TNPO2: variants seen among roughly 807,000 people sequenced by gnomAD.
The protein encoded by TNPO2 is transportin 2, also known as transportin-2.
Under a neutral mutation model 111.1 loss-of-function variants are expected in TNPO2, and 16 were observed. The ratio of observed to expected loss-of-function variants is 0.14; its 90% CI spans 0.10 to 0.22. TNPO2 has a LOEUF of 0.22. Ranked by LOEUF, TNPO2 falls within the 10% of genes least tolerant of loss-of-function variation. The pLI is 1.00. For missense variants in TNPO2, 530 were observed against 1,173.7 expected, an observed-to-expected ratio of 0.45 and a Z score of 8.01; for synonymous variants, 481 against 475.8, an observed-to-expected ratio of 1.01 and a Z score of -0.14.
chr19:12,721,316 G>C lies in TNPO2; in HGVS notation c.-13-326C>G, dbSNP rs528193988. The C allele has an allele frequency of 7.8e-6, 10 of 1,284,634 alleles. No homozygotes were observed. The East Asian group carries it at 5.3e-4, about 68-fold the overall frequency. 79.6% of individuals were successfully genotyped at this position (1,284,634 alleles called of 1,614,324 possible). On this transcript the variant is annotated intron_variant, in intron 2 of 25. Transcript: ENST00000425528. This position sits in a 1 kb window ranked among gnomAD's most constrained non-coding sequence, Gnocchi z 4.9. ...TGCCGCTGACCCCGGCTCCGAGCCC[G>C]AAGGCTTCCACCTCCCTCGCAGCGG...
chr19:12,702,368 TCCTTTC>T lies in TNPO2; in HGVS notation c.2306-197_2306-192del. 2.9e-6 allele frequency: 2 copies of T among 693,416 alleles called. No individual in the cohort carries two copies. Among genetic ancestry groups the T allele is most frequent in the Middle Eastern group, 2.3e-4 (1 of 4,318 alleles). 43.0% of individuals were successfully genotyped at this position (693,416 alleles called of 1,614,324 possible). The stretch of plus-strand genomic sequence containing the variant: ...CTCTCTGCATCTATCTTTCTTTCTT[TCCTTTC>T]CCTTTCCTTTTTGTTTTTTTTTGTT... On this transcript the variant is annotated intron_variant, in intron 21 of 25. Transcript: ENST00000425528. This position sits in a 1 kb window ranked among gnomAD's most constrained non-coding sequence, Gnocchi z 5.5.
At chr19:12,709,360 C>CAAAT (rs368877693) in intron 13 of TNPO2, among the ~76,000 whole-genome samples, 7,708 of 152,094 alleles carry the variant, frequency 0.051, 263 homozygotes, top group Non-Finnish European at 0.075. Flanking sequence ...GACTCAGTCT[C>CAAAT]AAATAAATAA....
rs747591784 is a variant in TNPO2 at position 12,706,099 on chromosome 19, C to T, written c.1668+97G>A. Reference sequence around the variant, plus strand: ...TCTGTCTGTCTGCCTGTCGAGGTCACGGCCACGTCCCTGGCGTGCAACACG... The same window carrying T: ...TCTGTCTGTCTGCCTGTCGAGGTCATGGCCACGTCCCTGGCGTGCAACACG... On this transcript the variant is annotated intron_variant, in intron 15 of 25. Coordinates refer to ENST00000425528, the MANE Select transcript of TNPO2 (RefSeq NM_001382241.1). The surrounding 1 kb of genome is among the most constrained non-coding windows in gnomAD (Gnocchi z 7.0). The T allele has an allele frequency of 1.7e-5, 24 of 1,412,030 alleles. No homozygotes were observed. Among genetic ancestry groups the T allele is most frequent in the African/African-American group, 5.6e-5 (4 of 70,880 alleles). The allele number at this position is 1,412,030 out of a possible 1,614,324, so 87.5% of individuals were successfully genotyped here. A position where few individuals can be genotyped will look rare whatever the true frequency, so the allele number is the denominator to read the frequency against.
chr19:12,712,309 G>A (rs1431776540), intron 10 of TNPO2, among the ~76,000 whole-genome samples: 1 of 152,206 alleles, frequency 6.6e-6, no homozygotes, highest in African/African-American at 2.4e-5. Flanking sequence ...AACAACACCC[G>A]CTACTTAGCA....
intron 3 of TNPO2, among the ~76,000 whole-genome samples, chr19:12,720,243 T>C (rs762748103): frequency 1.3e-5 from 2 of 151,476 alleles, no homozygotes; most frequent in Non-Finnish European, 2.9e-5. Flanking sequence ...GTCTCAAAAC[T>C]CCTGACCTCA....
Position 12,699,435 on chromosome 19 carries a change from A to G in TNPO2, c.*1829T>C, listed in dbSNP as rs2025174082. On this transcript the variant is annotated 3_prime_UTR_variant, in exon 26 of 26. Transcript: ENST00000425528. ...TTCATTGTGCAAAAAACAACCAAAA[A>G]TAAATTAAAAAATTAAATAGTTTTT... The G allele has an allele frequency of 6.4e-6, 1 of 155,538 alleles. No individual in the cohort carries two copies. Among genetic ancestry groups the G allele is most frequent in the Non-Finnish European group, 1.4e-5 (1 of 69,894 alleles). 9.6% of individuals were successfully genotyped at this position (155,538 alleles called of 1,614,324 possible). A position where few individuals can be genotyped will look rare whatever the true frequency, so the allele number is the denominator to read the frequency against.
chr19:12,716,089 T>A (rs1042517708), intron 5 of TNPO2, among the ~76,000 whole-genome samples: 2 of 152,144 alleles, frequency 1.3e-5, no homozygotes, highest in African/African-American at 4.8e-5. Flanking sequence ...CAGGCTGGCC[T>A]AAAACTCCTG....
chr19:12,707,494 T>C (rs1438999568), intron 13 of TNPO2, among the ~76,000 whole-genome samples: 2 of 135,738 alleles, frequency 1.5e-5, no homozygotes, highest in Non-Finnish European at 3.2e-5. Flanking sequence ...TTTTTTTTTT[T>C]TTTTTTTTTT....
In TNPO2 at chr19:12,702,461, C is replaced by A; in HGVS notation, c.2306-284G>T. Reference sequence around the variant, plus strand: ...CCAGGCTGGAGTGCAGTGGCATGATCTTGGCTCATTGCAACCTGCCTCAGC... The same window carrying A: ...CCAGGCTGGAGTGCAGTGGCATGATATTGGCTCATTGCAACCTGCCTCAGC... On this transcript the variant is annotated intron_variant, in intron 21 of 25. Transcript: ENST00000425528. The surrounding 1 kb of genome is among the most constrained non-coding windows in gnomAD (Gnocchi z 5.5). 1 of 596,970 alleles carries A rather than the reference C, an allele frequency of 1.7e-6. No individual in the cohort carries two copies. The highest frequency in any genetic ancestry group is 3.1e-6 in the Non-Finnish European group (1 of 326,478). 37.0% of individuals were successfully genotyped at this position (596,970 alleles called of 1,614,324 possible).
In TNPO2 at chr19:12,702,884, G is replaced by C; in HGVS notation, c.2244C>G (p.Leu748=). Residue 748 remains leucine, a synonymous_variant, in exon 21 of 26, where the codon CTC becomes CTG. Transcript: ENST00000425528. This position sits in a 1 kb window ranked among gnomAD's most constrained non-coding sequence, Gnocchi z 5.5. ...AEMQPYVQMV[L]NNLVEIINRP... is the part of the protein sequence containing the mutation. ...GGTTAATGATTTCCACCAGGTTGTT[G>C]AGGACCATCTGCACATAAGGCTGCA... 1 of 1,613,928 alleles carries C rather than the reference G, an allele frequency of 6.2e-7. No individual in the cohort carries two copies. The highest frequency in any genetic ancestry group is 1.1e-5 in the South Asian group (1 of 91,080).
chr19:12,710,601 C>G lies in TNPO2; in HGVS notation c.1270+20G>C, dbSNP rs780944058. On this transcript the variant is annotated intron_variant, in intron 13 of 25. Transcript: ENST00000425528. ...TACAGTCTCATGCCAGCACAGGGCT[C>G]AGAGATCAGGCGCACTCACCCTCAG... is the stretch of plus-strand genomic sequence containing the variant. 9.4e-5 allele frequency: 152 copies of G among 1,611,012 alleles called. 2 individuals are homozygous for G. Among genetic ancestry groups the G allele is most frequent in the Admixed American group, 3.3e-5 (2 of 59,716 alleles).
rs1399764728 is a variant in TNPO2 at position 12,701,820 on chromosome 19, C to T, written c.2443G>A (p.Glu815Lys). Residue 815 changes from glutamate (E) to lysine (K), a missense_variant, in exon 23 of 26, where the codon GAG (glutamate) becomes AAG (lysine). Transcript: ENST00000425528. This position sits in a 1 kb window ranked among gnomAD's most constrained non-coding sequence, Gnocchi z 5.0. ...CCGCGGAAGGCTGAGTCCTTCTCCT[C>T]GTTGTCCCTGATGTTCCTGAGGGAC... ...CTSLRNIRDN[E>K]EKDSAFRGIC... 6.2e-7 allele frequency: 1 copy of T among 1,613,746 alleles called. No individual in the cohort carries two copies.
At chr19:12,711,267 C>T in intron 12 of TNPO2, 29 bp downstream of exon 12, 1 of 1,605,006 alleles carries the variant, frequency 6.2e-7, no homozygotes, top group Non-Finnish European at 8.5e-7. Flanking sequence ...CTTGCCACCC[C>T]ACCACCACCC....
In TNPO2 at chr19:12,705,720, G is replaced by T; in HGVS notation, c.1717C>A (p.Leu573Ile). The T allele has an allele frequency of 6.7e-7, 1 of 1,491,572 alleles. No homozygotes were observed. The highest frequency in any genetic ancestry group is 9.0e-7 in the Non-Finnish European group (1 of 1,116,096). 92.4% of individuals were successfully genotyped at this position (1,491,572 alleles called of 1,614,324 possible). A position where few individuals can be genotyped will look rare whatever the true frequency, so the allele number is the denominator to read the frequency against. ...AAGAGGTCCTTGTCTTCGTCCTTGAGCTCATTCCACTTCTGGATCAGTGGG... is the reference window on the plus strand; with the variant it reads ...AAGAGGTCCTTGTCTTCGTCCTTGATCTCATTCCACTTCTGGATCAGTGGG... Reference protein sequence around the residue: ...MPPLIQKWNELKDEDKDLFPL... With the variant: ...MPPLIQKWNEIKDEDKDLFPL... Residue 573 changes from leucine (L) to isoleucine (I), a missense_variant, in exon 16 of 26, where the codon CTC becomes ATC. Transcript: ENST00000425528. This position sits in a 1 kb window ranked among gnomAD's most constrained non-coding sequence, Gnocchi z 7.2.
In TNPO2 at chr19:12,701,504, G is replaced by A. The variant is rs1599403622; in HGVS notation, c.2587-51C>T. ...TAGGCAGGGGCAGAACAAGGGGAGT[G>A]CGCCTCTTCCCCCATCCCCAGGCCC... On this transcript the variant is annotated intron_variant, in intron 24 of 25. Coordinates refer to ENST00000425528, the MANE Select transcript of TNPO2 (RefSeq NM_001382241.1). This position sits in a 1 kb window ranked among gnomAD's most constrained non-coding sequence, Gnocchi z 5.0. 1.3e-6 allele frequency: 2 copies of A among 1,594,362 alleles called. No homozygotes were observed. Among genetic ancestry groups the A allele is most frequent in the South Asian group, 1.1e-5 (1 of 90,656 alleles).
In TNPO2 at chr19:12,702,508, A is replaced by G. The variant is rs2025382727; in HGVS notation, c.2305+315T>C. On this transcript the variant is annotated intron_variant, in intron 21 of 25. Coordinates refer to ENST00000425528, the MANE Select transcript of TNPO2 (RefSeq NM_001382241.1). The surrounding 1 kb of genome is among the most constrained non-coding windows in gnomAD (Gnocchi z 5.5). ...CAGCCTCCCGAGTAGCTGGGATTGC[A>G]GGCACGTGCCATTACCCCCGGCTAA... 1 of 534,138 alleles carries G rather than the reference A, an allele frequency of 1.9e-6. No homozygotes were observed. The highest frequency in any genetic ancestry group is 3.4e-6 in the Non-Finnish European group (1 of 295,650). 33.1% of individuals were successfully genotyped at this position (534,138 alleles called of 1,614,324 possible). A position where few individuals can be genotyped will look rare whatever the true frequency, so the allele number is the denominator to read the frequency against.
chr19:12,716,457 C>T (rs1245169100), intron 5 of TNPO2, among the ~76,000 whole-genome samples: 1 of 152,106 alleles, frequency 6.6e-6, no homozygotes, highest in African/African-American at 2.4e-5. Flanking sequence ...GAAACCCCAT[C>T]TCTACTAAAA....
chr19:12,718,803 GTTCCAGAGCGTGGCCCTGCACTGC>G (rs1037873324), intron 5 of TNPO2, among the ~76,000 whole-genome samples: 1 of 152,180 alleles, frequency 6.6e-6, no homozygotes, highest in African/African-American at 2.4e-5. Flanking sequence ...GGAGGGAGTG[GTTCCAGAGCGTGGCCCTGCACTGC>G]CTCAGCTGTT....
In TNPO2 at chr19:12,719,426, G is replaced by C; in HGVS notation, c.100-90C>G. Reference sequence around the variant, plus strand: ...ACCTGACACTATCTCTGACCACTGGGACCAGGCTGCCAGCTCCTGGGGGAT... The same window carrying C: ...ACCTGACACTATCTCTGACCACTGGCACCAGGCTGCCAGCTCCTGGGGGAT... On this transcript the variant is annotated intron_variant, in intron 3 of 25. Transcript: ENST00000425528. This position sits in a 1 kb window ranked among gnomAD's most constrained non-coding sequence, Gnocchi z 5.0. 3.5e-6 allele frequency: 4 copies of C among 1,147,364 alleles called. No individual in the cohort carries two copies. Among genetic ancestry groups the C allele is most frequent in the Non-Finnish European group, 5.2e-6 (4 of 773,976 alleles). 71.1% of individuals were successfully genotyped at this position (1,147,364 alleles called of 1,614,324 possible).
Sources: allele counts gnomAD v4.1 joint callset (sites outside exome capture counted in the v4.1 genomes callset), GRCh38; gene constraint gnomAD v4.1.1; non-coding constraint Gnocchi (gnomAD v3.1); transcripts MANE v1.5; gene names NCBI Gene and HGNC (gene_info 2026-07-23, HGNC 2026-07-21).